ODAD3: variants seen among roughly 807,000 people sequenced by gnomAD.
The protein encoded by ODAD3 is outer dynein arm docking complex subunit 3, also known as outer dynein arm-docking complex subunit 3.
In ODAD3, 57 loss-of-function variants were observed where a neutral mutation model predicts 70.9. That is an observed-to-expected ratio of 0.80 (90% CI 0.65 to 1.00). The LOEUF (loss-of-function observed/expected upper bound fraction) is 1.00, where lower values mean the gene tolerates loss of function less well. Among genes scored for constraint, ODAD3 ranks in the 50% least tolerant of loss-of-function variants. The pLI is 0.00. For missense variants in ODAD3, 797 were observed against 763.9 expected (o/e 1.04, Z -0.51); for synonymous variants, 327 against 315.9 (o/e 1.04, Z -0.37).
At chr19:11,423,813 C>A in intron 8 of ODAD3, 64 bp downstream of exon 8, 1 of 1,508,696 alleles carries the variant, frequency 6.6e-7, no homozygotes, top group Non-Finnish European at 8.9e-7. Context: ...CCGGCTTAGG[C>A]ACCCCTGGGG....
intron 11 of ODAD3, 92 bp downstream of exon 11, chr19:11,421,585 T>C: frequency 1.4e-6 from 2 of 1,473,392 alleles, no homozygotes; most frequent in East Asian, 2.3e-5. Context: ...CAGCCTGCAA[T>C]CTGGTCTCCC....
At position 11,423,911 on chromosome 19, in the gene ODAD3, T is replaced by C. The variant is rs374290157; in HGVS notation, c.1082A>G (p.Lys361Arg). ...SMYQMEVIFG[K>R]VKDATGTDET... is the part of the protein sequence containing the mutation. ...GTCAGTGCCAGTGGCGTCCTTGACCTTGCCAAAGATCACCTCCATCTGGTA... is the reference window on the plus strand; with the variant it reads ...GTCAGTGCCAGTGGCGTCCTTGACCCTGCCAAAGATCACCTCCATCTGGTA... Residue 361 changes from lysine to arginine, a missense_variant, in exon 8 of 13, where the codon AAG becomes AGG. Lys to Arg is a conservative substitution (Grantham distance 26). Transcript: ENST00000356392. 1.1e-5 allele frequency: 18 copies of C among 1,612,944 alleles called. No homozygotes were observed. In the African/African-American group the frequency reaches 2.4e-4, roughly 22 times the overall value.
intron 3 of ODAD3, among the ~76,000 whole-genome samples, chr19:11,428,899 T>TC (rs1969444902): frequency 6.6e-6 from 1 of 150,382 alleles, no homozygotes; most frequent in South Asian, 2.1e-4. Context: ...ATTTATTTAT[T>TC]TATTTTGAGA....
rs1969330432 is a variant in ODAD3 at position 11,425,484 on chromosome 19, TA to T, written c.963+659del. Among the ~76,000 whole-genome samples, 1,143 of 142,552 alleles carry T rather than the reference TA, an allele frequency of 8.0e-3. 30 individuals carry two copies. The highest frequency in any genetic ancestry group is 0.013 in the Admixed American group (176 of 14,056). 93.5% of individuals were successfully genotyped at this position (142,552 alleles called of 152,430 possible). A position where few individuals can be genotyped will look rare whatever the true frequency, so the allele number is the denominator to read the frequency against. On this transcript the variant is annotated intron_variant, in intron 7 of 12. Coordinates refer to ENST00000356392, the MANE Select transcript of ODAD3 (RefSeq NM_145045.5). ...GTGTGTATATATGTATATATGTGTGTATATATGTATATATGTATATATGTGT... is the reference window on the plus strand; with the variant it reads ...GTGTGTATATATGTATATATGTGTGTTATATGTATATATGTATATATGTGT...
At chr19:11,430,860 C>T (rs1166593298) in intron 2 of ODAD3, 39 bp downstream of exon 2, 2 of 1,613,948 alleles carry the variant, frequency 1.2e-6, no homozygotes, top group South Asian at 2.2e-5. Flanking sequence ...CCACCATCCA[C>T]CGCCACGGGA....
rs1237177233 is a variant in ODAD3 at position 11,425,189 on chromosome 19, ATACATATGTGTATGTG to A, written c.963+939_963+954del. On this transcript the variant is annotated intron_variant, in intron 7 of 12. Transcript: ENST00000356392. ...TGTGTATATGTACATATGTGTATAT[ATACATATGTGTATGTG>A]TACATATGTGTATATATGTGTGTAT... 1.2e-4 allele frequency among the ~76,000 whole-genome samples: 13 copies of A among 110,920 alleles called. 2 individuals are homozygous for A. In the East Asian group the frequency reaches 1.4e-3, roughly 12 times the overall value. The allele number at this position is 110,920 out of a possible 152,430, so 72.8% of individuals were successfully genotyped here.
chr19:11,425,095 G>GTA (rs1179089830), intron 7 of ODAD3, among the ~76,000 whole-genome samples: 1 of 132,242 alleles, frequency 7.6e-6, no homozygotes, highest in Non-Finnish European at 1.5e-5. Flanking sequence ...GTACATATGT[G>GTA]TATATATGTA....
chr19:11,428,335 G>A (rs2144776003), intron 3 of ODAD3, among the ~76,000 whole-genome samples: 1 of 152,010 alleles, frequency 6.6e-6, no homozygotes, highest in East Asian at 1.9e-4. Flanking sequence ...TCCGCCCCTT[G>A]AGCTCAAGTG....
Position 11,426,917 on chromosome 19 carries a change from G to C in ODAD3, c.568C>G (p.Leu190Val), listed in dbSNP as rs770832815. ...CTGTTTTGCGCCTCCGCCATCTCCA[G>C]AAGGCGCAGGCTGTGCTGCAGCTGG... ...ELQLQHSLRL[L>V]EMAEAQNRHT... The change falls in exon 4 of 13, where the codon CTG becomes GTG. Residue 190 changes from leucine to valine, a missense_variant. Transcript: ENST00000356392. 9.3e-6 allele frequency: 15 copies of C among 1,609,762 alleles called. No homozygotes were observed. The Admixed American group carries it at 1.0e-4, about 11-fold the overall frequency.
In ODAD3 at chr19:11,425,043, GTGTATATA is replaced by G. The variant is rs1259134329; in HGVS notation, c.964-1022_964-1015del. Among the ~76,000 whole-genome samples, 124 of 124,504 alleles carry G rather than the reference GTGTATATA, an allele frequency of 1.0e-3. 11 individuals carry two copies. The highest frequency in any genetic ancestry group is 1.7e-3 in the South Asian group (7 of 4,232). The allele number at this position is 124,504 out of a possible 152,430, so 81.7% of individuals were successfully genotyped here. On this transcript the variant is annotated intron_variant, in intron 7 of 12. Transcript: ENST00000356392. ...TATACATATGTGCATATATACATAT[GTGTATATA>G]TGTGTATATGTGTATATATGTATAT... is the stretch of plus-strand genomic sequence containing the variant.
chr19:11,433,587 C>A (rs1969549453), intron 1 of ODAD3, among the ~76,000 whole-genome samples: 1 of 152,208 alleles, frequency 6.6e-6, no homozygotes, highest in African/African-American at 2.4e-5. Context: ...GGTTGGACAA[C>A]TATTATGCAG....
rs761700402 is a variant in ODAD3 at position 11,426,678 on chromosome 19, C to G, written c.714+5G>C. On this transcript the variant is annotated splice_donor_5th_base_variant and intron_variant, in intron 5 of 12. Transcript: ENST00000356392. Reference sequence around the variant, plus strand: ...TCATCTCACCCGAGCCCTCCTAGTCCCTACCATTAGATAGGCCTTGAGCTG... The same window carrying G: ...TCATCTCACCCGAGCCCTCCTAGTCGCTACCATTAGATAGGCCTTGAGCTG... 1.2e-6 allele frequency: 2 copies of G among 1,613,718 alleles called. No homozygotes were observed. The highest frequency in any genetic ancestry group is 1.7e-6 in the Non-Finnish European group (2 of 1,179,894).
Position 11,426,182 on chromosome 19 carries a change from C to G in ODAD3, c.925G>C (p.Glu309Gln), listed in dbSNP as rs587777779. 1 of 1,613,008 alleles carries G rather than the reference C, an allele frequency of 6.2e-7. No individual in the cohort carries two copies. Among genetic ancestry groups the G allele is most frequent in the South Asian group, 1.1e-5 (1 of 91,018 alleles). Residue 309 changes from glutamate to glutamine, a missense_variant, in exon 7 of 13, where the codon GAG (glutamate) becomes CAG (glutamine). Glu to Gln is a conservative substitution (Grantham distance 29). Transcript: ENST00000356392. Reference sequence around the variant, plus strand: ...CGCTCGTTCTCCAGTTTCTTCTCCTCGGCGCGCTTCTTGCACTCACTTATG... The same window carrying G: ...CGCTCGTTCTCCAGTTTCTTCTCCTGGGCGCGCTTCTTGCACTCACTTATG... ...RYISECKKRA[E>Q]EKKLENERME... is the part of the protein sequence containing the mutation.
chr19:11,434,229 A>C (rs866756958), intron 1 of ODAD3, among the ~76,000 whole-genome samples: 15,835 of 144,554 alleles, frequency 0.11, 1,579 homozygotes, highest in South Asian at 0.28. Flanking sequence ...CAAAAAACAA[A>C]ACAAAAAAAA....
Position 11,422,438 on chromosome 19 carries a change from G to A in ODAD3, c.1434+33C>T. ...GGCTGCGCCTCTGCGGTCCCAGGAG[G>A]GCCTGTCGGGGCTTCCCCTGGGCGG... On this transcript the variant is annotated intron_variant, in intron 10 of 12. Coordinates refer to ENST00000356392, the MANE Select transcript of ODAD3 (RefSeq NM_145045.5). The surrounding 1 kb of genome is among the most constrained non-coding windows in gnomAD (Gnocchi z 4.6). The A allele has an allele frequency of 6.5e-7, 1 of 1,526,936 alleles. No homozygotes were observed. Among genetic ancestry groups the A allele is most frequent in the Non-Finnish European group, 8.8e-7 (1 of 1,134,638 alleles). The allele number at this position is 1,526,936 out of a possible 1,614,324, so 94.6% of individuals were successfully genotyped here.
At chr19:11,426,355 T>C (rs993054664) in intron 6 of ODAD3, 89 bp from the exon 7 acceptor site, 1 of 1,605,888 alleles carries the variant, frequency 6.2e-7, no homozygotes, top group Non-Finnish European at 8.5e-7. Flanking sequence ...GGCGGGGGCG[T>C]AGGGGAAGCT....
At chr19:11,430,826 G>A in intron 2 of ODAD3, 50 bp from the exon 3 acceptor site, 1 of 1,613,904 alleles carries the variant, frequency 6.2e-7, no homozygotes, top group South Asian at 1.1e-5. Context: ...CTCCAGCTAA[G>A]GCCAGGTGCT....
rs1209763392 is a variant in ODAD3, at chr19:11,420,800, C to T, written c.*35G>A. ...GCTAGACCCGGAGGGATCGGGGGCT[C>T]CGAAGGGGGCCGCCTGGTGGGTGTC... On this transcript the variant is annotated 3_prime_UTR_variant, in exon 13 of 13. Transcript: ENST00000356392. The T allele has an allele frequency of 6.3e-6, 10 of 1,581,972 alleles. No homozygotes were observed. Among genetic ancestry groups the T allele is most frequent in the African/African-American group, 1.3e-5 (1 of 74,252 alleles).
At chr19:11,425,573 A>ATATG (rs1555722668) in intron 7 of ODAD3, among the ~76,000 whole-genome samples, 6,908 of 125,314 alleles carry the variant, frequency 0.055, 486 homozygotes, top group African/African-American at 0.16. Context: ...GTGTGTATGT[A>ATATG]TGTATATATG....
Sources: gnomAD v4.1 joint callset for allele counts (sites outside exome capture counted in the v4.1 genomes callset) on GRCh38, gnomAD v4.1.1 for gene constraint, Gnocchi (gnomAD v3.1) non-coding constraint, MANE v1.5 for transcripts, NCBI Gene and HGNC (gene_info 2026-07-23, HGNC 2026-07-21) for gene names.